Variants in ZNF804B observed in about 807,000 individuals in gnomAD.
The protein encoded by ZNF804B is zinc finger protein 804B.
A neutral mutation model predicts 101.4 loss-of-function variants in ZNF804B; 80 were observed. The ratio of observed to expected loss-of-function variants is 0.79; its 90% CI spans 0.66 to 0.95. The LOEUF (loss-of-function observed/expected upper bound fraction) is 0.95. Ranked by LOEUF, ZNF804B falls within the 40% of genes least tolerant of loss-of-function variation. The probability of loss-of-function intolerance (pLI) is 0.00; values close to 1 mark genes in which losing one functional copy is unlikely to be tolerated. For synonymous variants in ZNF804B, 622 were observed against 558.8 expected (o/e 1.11, Z -1.59); for missense variants, 1,673 against 1,561.9 (o/e 1.07, Z -1.20).
intron 2 of ZNF804B, among the ~76,000 whole-genome samples, chr7:89,321,971 A>G (rs909223571): frequency 1.3e-5 from 2 of 152,188 alleles, no homozygotes; most frequent in Non-Finnish European, 2.9e-5. Flanking sequence ...GATATTTCAT[A>G]GTTATAAAAA....
intron 1 of ZNF804B, among the ~76,000 whole-genome samples, chr7:88,823,423 G>A (rs1221777422): frequency 6.6e-6 from 1 of 152,150 alleles, no homozygotes; most frequent in African/African-American, 2.4e-5. Flanking sequence ...AGATTCAGAT[G>A]TATTATACTG....
At chr7:89,292,980 T>G (rs1790321509) in intron 2 of ZNF804B, among the ~76,000 whole-genome samples, 1 of 152,098 alleles carries the variant, frequency 6.6e-6, no homozygotes, top group Admixed American at 6.5e-5. Context: ...AATGGAAGGA[T>G]ATTTCATAGT....
intron 1 of ZNF804B, among the ~76,000 whole-genome samples, chr7:88,998,740 T>C (rs558907389): frequency 3.3e-5 from 5 of 151,604 alleles, no homozygotes; most frequent in African/African-American, 9.7e-5. Flanking sequence ...GGGGATGGAG[T>C]AGGGATAGGA....
intron 1 of ZNF804B, among the ~76,000 whole-genome samples, chr7:88,987,901 CCCT>C (rs1299081125): frequency 2.0e-5 from 3 of 151,376 alleles, no homozygotes; most frequent in Non-Finnish European, 4.4e-5. Context: ...CTTCTTAATC[CCCT>C]CCTCCTCCCT....
Position 89,178,164 on chromosome 7 carries a change from A to G in ZNF804B, c.109-39991A>G, listed in dbSNP as rs144710651. On this transcript the variant is annotated intron_variant, in intron 1 of 3. Transcript: ENST00000333190. ...TCATTTTTAGTCTTTGTGTGTCTCT[A>G]TAGGTGAAGTATATTTCTTGTAGGC... Among the ~76,000 whole-genome samples the G allele has an allele frequency of 3.2e-4, 48 of 151,904 alleles. No individual in the cohort carries two copies. The East Asian group carries it at 8.7e-3, about 28-fold the overall frequency.
intron 2 of ZNF804B, among the ~76,000 whole-genome samples, chr7:89,266,180 T>C (rs530065280): frequency 1.1e-3 from 164 of 152,292 alleles, no homozygotes; most frequent in African/African-American, 3.7e-3. Flanking sequence ...CTATTTGACT[T>C]TAACAAGCCA....
intron 2 of ZNF804B, among the ~76,000 whole-genome samples, chr7:89,228,710 T>A (rs1789135895): frequency 6.6e-6 from 1 of 152,176 alleles, no homozygotes; most frequent in Non-Finnish European, 1.5e-5. Flanking sequence ...CTTCACCCAG[T>A]GGATCCCACA....
intron 1 of ZNF804B, among the ~76,000 whole-genome samples, chr7:89,196,490 A>G (rs1263908799): frequency 2.6e-5 from 4 of 152,190 alleles, no homozygotes; most frequent in African/African-American, 9.6e-5. Flanking sequence ...AGATGGATTA[A>G]AGACTTAAAT....
intron 1 of ZNF804B, among the ~76,000 whole-genome samples, chr7:89,171,340 CTT>C (rs56077643): frequency 1.4e-4 from 19 of 132,132 alleles, no homozygotes; most frequent in African/African-American, 4.8e-4. Context: ...TCTTCTTCTT[CTT>C]CTTCTTCTTC....
At chr7:89,188,982 G>T (rs188030720) in intron 1 of ZNF804B, among the ~76,000 whole-genome samples, 2 of 152,212 alleles carry the variant, frequency 1.3e-5, no homozygotes, top group East Asian at 3.9e-4. Flanking sequence ...CCAGGCAACC[G>T]GTTTTCAATG....
chr7:88,954,415 A>G (rs1434593173), intron 1 of ZNF804B, among the ~76,000 whole-genome samples: 1 of 151,704 alleles, frequency 6.6e-6, no homozygotes, highest in East Asian at 2.0e-4. Context: ...TTGTATTCAT[A>G]TTGCTCATTG....
In ZNF804B at chr7:89,335,428, CA is replaced by C; in HGVS notation, c.2448del (p.Gln816HisfsTer5). 6.2e-7 allele frequency: 1 copy of C among 1,613,840 alleles called. No individual in the cohort carries two copies. The highest frequency in any genetic ancestry group is 8.5e-7 in the Non-Finnish European group (1 of 1,179,912). ...ERQKLGKNQQ[Q>X]FSGLKSTRII... ...ACAAAAACTGGGCAAAAATCAACAA[CA>C]ATTTTCAGGGCTAAAATCTACGAGA... is the stretch of plus-strand genomic sequence containing the variant. On this transcript the variant is annotated frameshift_variant, in exon 4 of 4. Transcript: ENST00000333190. LOFTEE classifies it high-confidence loss of function.
chr7:89,304,014 C>T (rs770834656), intron 2 of ZNF804B, among the ~76,000 whole-genome samples: 6 of 151,816 alleles, frequency 4.0e-5, no homozygotes, highest in Admixed American at 1.3e-4. Flanking sequence ...AGGTTTATTC[C>T]GGACTATAGG....
At chr7:88,917,055 A>T (rs1021253628) in intron 1 of ZNF804B, among the ~76,000 whole-genome samples, 1 of 152,106 alleles carries the variant, frequency 6.6e-6, no homozygotes, top group Non-Finnish European at 1.5e-5. Context: ...ACCTGAAGTC[A>T]GGAGTTTGAG....
chr7:89,319,300 G>A (rs1000034520), intron 2 of ZNF804B, among the ~76,000 whole-genome samples: 8 of 152,060 alleles, frequency 5.3e-5, no homozygotes. Flanking sequence ...AAAATTAAGG[G>A]AATTTTGGCT....
At chr7:89,329,486 AG>A (rs1409953111) in intron 3 of ZNF804B, among the ~76,000 whole-genome samples, 1 of 151,694 alleles carries the variant, frequency 6.6e-6, no homozygotes, top group East Asian at 1.9e-4. Flanking sequence ...CCTCATAATG[AG>A]GGCTTCTGAA....
rs1344476205 is a variant in ZNF804B at position 89,083,022 on chromosome 7, A to C, written c.109-135133A>C. 2.6e-5 allele frequency among the ~76,000 whole-genome samples: 4 copies of C among 151,916 alleles called. No homozygotes were observed. In the East Asian group the frequency reaches 7.7e-4, roughly 29 times the overall value. On this transcript the variant is annotated intron_variant, in intron 1 of 3. Coordinates refer to ENST00000333190, the MANE Select transcript of ZNF804B (RefSeq NM_181646.5). ...ATAATCTGTGTTTTGTTCATGTAAT[A>C]TTATTTTGAGTAAAGGATTTCCAAG...
intron 2 of ZNF804B, among the ~76,000 whole-genome samples, chr7:89,307,234 A>G (rs1031696888): frequency 2.6e-5 from 4 of 152,040 alleles, no homozygotes; most frequent in African/African-American, 7.2e-5. Flanking sequence ...AAAGTTTTAC[A>G]TAATAAATAT....
chr7:89,209,829 G>A (rs557306954), intron 1 of ZNF804B, among the ~76,000 whole-genome samples: 1 of 152,198 alleles, frequency 6.6e-6, no homozygotes, highest in East Asian at 1.9e-4. Flanking sequence ...AGATGTTGTG[G>A]AATGCAAAGA....
Sources: gnomAD v4.1 joint callset for allele counts (sites outside exome capture counted in the v4.1 genomes callset) on GRCh38, gnomAD v4.1.1 for gene constraint, MANE v1.5 for transcripts, NCBI Gene and HGNC (gene_info 2026-07-23, HGNC 2026-07-21) for gene names.